ACACB: variants seen among roughly 807,000 people sequenced by gnomAD.
ACACB encodes acetyl-CoA carboxylase 2.
A neutral mutation model predicts 278.8 loss-of-function variants in ACACB; 209 were observed. The ratio of observed to expected loss-of-function variants is 0.75; its 90% CI spans 0.67 to 0.84. ACACB has a LOEUF of 0.84. Among genes scored for constraint, ACACB ranks in the 40% least tolerant of loss-of-function variants. ACACB has a pLI of 0.00. For synonymous variants in ACACB, 1,174 were observed against 1,285.6 expected (o/e 0.91, Z 1.86); for missense variants, 2,850 against 3,269.0 (o/e 0.87, Z 3.13).
chr12:109,268,054 G>A lies in ACACB; in HGVS notation c.*1692G>A, dbSNP rs936816504. On this transcript the variant is annotated 3_prime_UTR_variant, in exon 53 of 53. Coordinates refer to ENST00000338432, the MANE Select transcript of ACACB (RefSeq NM_001093.4). The surrounding 1 kb of genome is among the most constrained non-coding windows in gnomAD (Gnocchi z 4.2). ...GAATGATTCATTATTCCACCCCGAGGTTTGCTGGGGTGAGGGGAAGAATCG... is the reference window on the plus strand; with the variant it reads ...GAATGATTCATTATTCCACCCCGAGATTTGCTGGGGTGAGGGGAAGAATCG... 2.0e-5 allele frequency: 3 copies of A among 152,288 alleles called. No homozygotes were observed. The highest frequency in any genetic ancestry group is 4.8e-5 in the African/African-American group (2 of 41,560). The allele number at this position is 152,288 out of a possible 1,614,324, so 9.4% of individuals were successfully genotyped here. A position where few individuals can be genotyped will look rare whatever the true frequency, so the allele number is the denominator to read the frequency against.
At chr12:109,179,041 G>C in intron 9 of ACACB, 47 bp from the exon 10 acceptor site, 1 of 1,572,008 alleles carries the variant, frequency 6.4e-7, no homozygotes, top group South Asian at 1.1e-5. Context: ...GAAGCTTCCA[G>C]AGCTGGTTTC....
chr12:109,234,725 T>G (rs950839899), intron 31 of ACACB, among the ~76,000 whole-genome samples: 1 of 150,372 alleles, frequency 6.7e-6, no homozygotes, highest in Non-Finnish European at 1.5e-5. Flanking sequence ...CCGCATGTGC[T>G]CACTCATAAG....
chr12:109,249,727 A>G lies in ACACB; in HGVS notation c.5670-257A>G, dbSNP rs915942434. ...GGCTGGTCTCAAACTCCTGACCTCA[A>G]GTAATCTGCCCGCCTCGTCCTCCCA... On this transcript the variant is annotated intron_variant, in intron 40 of 52. Coordinates refer to ENST00000338432, the MANE Select transcript of ACACB (RefSeq NM_001093.4). 68 of 287,324 alleles carry G rather than the reference A, an allele frequency of 2.4e-4. 1 individual carries two copies. The highest frequency in any genetic ancestry group is 1.4e-3 in the African/African-American group (65 of 45,426). The allele number at this position is 287,324 out of a possible 1,614,324, so 17.8% of individuals were successfully genotyped here.
At chr12:109,160,666 C>A (rs1462589972) in intron 2 of ACACB, among the ~76,000 whole-genome samples, 3 of 152,220 alleles carry the variant, frequency 2.0e-5, no homozygotes. Context: ...TCAGTGGAAG[C>A]AAATGCTGGC....
intron 1 of ACACB, among the ~76,000 whole-genome samples, chr12:109,127,380 C>G (rs1235636611): frequency 6.6e-6 from 1 of 150,568 alleles, no homozygotes; most frequent in Non-Finnish European, 1.5e-5. Context: ...CTCAGGAGTT[C>G]AAGATCAGCC....
chr12:109,246,102 T>C, intron 38 of ACACB, 77 bp from the exon 39 acceptor site: 1 of 1,468,024 alleles, frequency 6.8e-7, no homozygotes, highest in Non-Finnish European at 9.2e-7. Flanking sequence ...AAAAAAATAA[T>C]AATAACTAAA....
chr12:109,174,756 A>G (rs10774607), intron 7 of ACACB, among the ~76,000 whole-genome samples: 74,070 of 151,752 alleles, frequency 0.49, 19,757 homozygotes, highest in Middle Eastern at 0.7. Context: ...TGTAGTCCCA[A>G]CTACTGAGGA....
intron 49 of ACACB, 126 bp from the exon 50 acceptor site, chr12:109,264,106 C>A (rs2047448661): frequency 8.7e-7 from 1 of 1,143,758 alleles, no homozygotes; most frequent in South Asian, 1.5e-5. Flanking sequence ...AAGCTCAGAC[C>A]TCTCACAAGG....
intron 9 of ACACB, 123 bp downstream of exon 9, chr12:109,176,386 C>A (rs1000274661): frequency 5.7e-6 from 5 of 872,760 alleles, no homozygotes; most frequent in Non-Finnish European, 9.2e-6. Flanking sequence ...CTGGATGTAT[C>A]GTTGTATCGT....
chr12:109,174,801 T>C (rs1593468638), intron 7 of ACACB, among the ~76,000 whole-genome samples: 2 of 151,806 alleles, frequency 1.3e-5, no homozygotes, highest in African/African-American at 4.8e-5. Context: ...GCCTAGGAGG[T>C]CGAGGTTACA....
At chr12:109,230,234 C>G (rs11833565) in intron 28 of ACACB, among the ~76,000 whole-genome samples, 14,340 of 152,230 alleles carry the variant, frequency 0.094, 1,850 homozygotes, top group African/African-American at 0.29. Flanking sequence ...GGCTTCCCCA[C>G]GAGGCACTGC....
Position 109,193,721 on chromosome 12 carries a change from A to G in ACACB, c.2473A>G (p.Ile825Val), listed in dbSNP as rs1470792649. Residue 825 changes from isoleucine to valine, a missense_variant, in exon 16 of 53, where the codon ATT (isoleucine) becomes GTT (valine). Transcript: ENST00000338432. Reference protein sequence around the residue: ...VELIYGGVKYILKVARQSLTM... With the variant: ...VELIYGGVKYVLKVARQSLTM... The stretch of plus-strand genomic sequence containing the variant: ...ATTAATTTACGGAGGTGTTAAGTAC[A>G]TTCTCAAGGTAAATGCCCCCGTGCC... 1.2e-6 allele frequency: 2 copies of G among 1,612,872 alleles called. No individual in the cohort carries two copies. Among genetic ancestry groups the G allele is most frequent in the Non-Finnish European group, 1.7e-6 (2 of 1,179,018 alleles).
At chr12:109,147,719 A>G (rs941267841) in intron 2 of ACACB, among the ~76,000 whole-genome samples, 1 of 152,132 alleles carries the variant, frequency 6.6e-6, no homozygotes, top group African/African-American at 2.4e-5. Flanking sequence ...AAATACATGA[A>G]TGAAATGAGC....
Position 109,116,684 on chromosome 12 carries a change from A to G in ACACB, c.-30A>G, listed in dbSNP as rs1428173305. On this transcript the variant is annotated 5_prime_UTR_variant, in exon 1 of 53. Coordinates refer to ENST00000338432, the MANE Select transcript of ACACB (RefSeq NM_001093.4). ...CACGGTGGGGAGGACATGGCAAGAG[A>G]AAAGCGGCAGGAATAAAGTGGTAAG... is the stretch of plus-strand genomic sequence containing the variant. The G allele has an allele frequency of 6.6e-6, 1 of 152,248 alleles. No individual in the cohort carries two copies. The highest frequency in any genetic ancestry group is 1.5e-5 in the Non-Finnish European group (1 of 68,096). 9.4% of individuals were successfully genotyped at this position (152,248 alleles called of 1,614,324 possible). A position where few individuals can be genotyped will look rare whatever the true frequency, so the allele number is the denominator to read the frequency against.
upstream of ACACB, among the ~76,000 whole-genome samples, chr12:109,114,789 C>T (rs937021995): frequency 6.6e-6 from 1 of 151,882 alleles, no homozygotes; most frequent in Non-Finnish European, 1.5e-5. Context: ...GAGTTCGAGG[C>T]TGCAGTGAGC....
rs753394219 is a variant in ACACB at position 109,256,212 on chromosome 12, A to G, written c.6239A>G (p.Gln2080Arg). The G allele has an allele frequency of 6.2e-6, 10 of 1,613,976 alleles. No individual in the cohort carries two copies. The East Asian group carries it at 1.8e-4, about 29-fold the overall frequency. Residue 2080 changes from glutamine (Q) to arginine (R), a missense_variant, in exon 45 of 53, where the codon CAG (glutamine) becomes CGG (arginine). Around this residue, in one of 3 missense-constraint regions of ACACB, gnomAD observed 579 missense variants for 684.6 expected, o/e 0.85. Transcript: ENST00000338432. ...SFKEIMAPWA[Q>R]TVVTGRARLG... ...AAGGAAATCATGGCACCCTGGGCGC[A>G]GACCGTGGTGACAGGACGAGCAAGG...
chr12:109,153,482 T>A (rs888114731), intron 2 of ACACB, among the ~76,000 whole-genome samples: 3 of 152,196 alleles, frequency 2.0e-5, no homozygotes, highest in African/African-American at 7.2e-5. Flanking sequence ...ATTTAATTAA[T>A]GTGTACACTG....
chr12:109,163,502 A>C (rs1027738220), intron 2 of ACACB, among the ~76,000 whole-genome samples: 17 of 152,176 alleles, frequency 1.1e-4, no homozygotes, highest in Non-Finnish European at 4.4e-5. Flanking sequence ...ATCAACCAGC[A>C]AGTAGAAGAA....
rs577879487 is a variant in ACACB, at chr12:109,233,971, G to C, written c.4273G>C (p.Val1425Leu). 2 of 1,614,150 alleles carry C rather than the reference G, an allele frequency of 1.2e-6. No homozygotes were observed. Among genetic ancestry groups the C allele is most frequent in the African/African-American group, 1.3e-5 (1 of 75,066 alleles). The change falls in exon 31 of 53, where the codon GTG becomes CTG. Residue 1425 changes from valine to leucine, a missense_variant. Physicochemically the swap from Val to Leu is conservative, Grantham distance 32. Coordinates refer to ENST00000338432, the MANE Select transcript of ACACB (RefSeq NM_001093.4). ...LREEPIHILN[V>L]SIQCADHLED... is the part of the protein sequence containing the mutation. ...AGAAGAGCCCATCCACATTCTGAATGTGTCCATCCAGTGTGCAGACCACCT... is the reference window on the plus strand; with the variant it reads ...AGAAGAGCCCATCCACATTCTGAATCTGTCCATCCAGTGTGCAGACCACCT...
Sources: gnomAD v4.1 joint callset for allele counts (sites outside exome capture counted in the v4.1 genomes callset) on GRCh38, gnomAD v4.1.1 for gene constraint, gnomAD v4.1.1 regional missense constraint, Gnocchi (gnomAD v3.1) non-coding constraint, MANE v1.5 for transcripts, NCBI Gene and HGNC (gene_info 2026-07-23, HGNC 2026-07-21) for gene names.